TLN2: variants seen among roughly 807,000 people sequenced by gnomAD.
TLN2 encodes talin 2, also known as talin-2.
Under a neutral mutation model 294.7 loss-of-function variants are expected in TLN2, and 118 were observed. The observed-to-expected ratio is 0.40, with a 90% CI of 0.34 to 0.47. The LOEUF (loss-of-function observed/expected upper bound fraction) is 0.47. Among genes scored for constraint, TLN2 ranks in the 20% least tolerant of loss-of-function variants. The probability of loss-of-function intolerance (pLI) is 0.84; values close to 1 mark genes in which losing one functional copy is unlikely to be tolerated. For missense variants in TLN2, 3,083 were observed against 3,282.2 expected (o/e 0.94, Z 1.48); for synonymous variants, 1,431 against 1,304.5 (o/e 1.10, Z -2.09).
chr15:62,391,870 C>T, intron 1 of TLN2, among the ~76,000 whole-genome samples: 1 of 152,026 alleles, frequency 6.6e-6, no homozygotes, highest in African/African-American at 2.4e-5. Context: ...CTACCGCTGC[C>T]CGGGTGCTCA....
intron 1 of TLN2, among the ~76,000 whole-genome samples, chr15:62,527,042 T>G (rs1463573071): frequency 6.6e-6 from 1 of 152,170 alleles, no homozygotes; most frequent in East Asian, 1.9e-4. Context: ...CAAAGAGACA[T>G]GACGTCGAGC....
At chr15:62,591,202 G>A (rs1013762997) in intron 2 of TLN2, among the ~76,000 whole-genome samples, 2 of 152,146 alleles carry the variant, frequency 1.3e-5, no homozygotes, top group East Asian at 1.9e-4. Flanking sequence ...TCTTTAGATT[G>A]TATGTATTTA....
intron 1 of TLN2, among the ~76,000 whole-genome samples, chr15:62,452,104 A>C (rs922199520): frequency 6.6e-6 from 1 of 151,710 alleles, no homozygotes; most frequent in Admixed American, 6.6e-5. Context: ...ATCATTTCTT[A>C]GAGCTGAGCA....
At position 62,800,403 on chromosome 15, in the gene TLN2, G is replaced by A. The variant is rs1470582138; in HGVS notation, c.6270G>A (p.Lys2090=). The A allele has an allele frequency of 6.2e-7, 1 of 1,614,188 alleles. No homozygotes were observed. The highest frequency in any genetic ancestry group is 1.7e-5 in the Admixed American group (1 of 60,024). Residue 2090 remains lysine, a synonymous_variant, in exon 49 of 59, where the codon AAG becomes AAA. Transcript: ENST00000636159. ...VLINAIKDVA[K]ALSDLISATK... ...TCAATGCCATCAAAGATGTGGCCAA[G>A]GCCCTTTCTGATCTCATCAGTGCTA...
intron 9 of TLN2, among the ~76,000 whole-genome samples, chr15:62,659,226 A>C (rs576138542): frequency 6.6e-5 from 10 of 152,346 alleles, no homozygotes; most frequent in Admixed American, 3.3e-4. Flanking sequence ...GATATGGAAG[A>C]AGCAGCAGAG....
chr15:62,423,649 C>G (rs1052614758), intron 1 of TLN2, among the ~76,000 whole-genome samples: 2 of 151,772 alleles, frequency 1.3e-5, no homozygotes, highest in African/African-American at 4.8e-5. Flanking sequence ...GGCATGATCT[C>G]GGCTCACTGC....
intron 29 of TLN2, among the ~76,000 whole-genome samples, chr15:62,737,991 C>T (rs1238737715): frequency 6.6e-6 from 1 of 152,078 alleles, no homozygotes; most frequent in Non-Finnish European, 1.5e-5. Flanking sequence ...GTCACTGTGT[C>T]GGACCCTTTG....
At chr15:62,701,013 C>A (rs1222673754) in intron 16 of TLN2, 93 bp from the exon 17 acceptor site, 2 of 1,132,180 alleles carry the variant, frequency 1.8e-6, no homozygotes, top group African/African-American at 1.5e-5. Context: ...AAGAATGTAG[C>A]CAAAATGCTG....
rs77544855 is a variant in TLN2, at chr15:62,434,633, A to G, written c.-238+43948A>G. On this transcript the variant is annotated intron_variant, in intron 1 of 58. Transcript: ENST00000636159. Reference sequence around the variant, plus strand: ...ATCATTTTTAATCATTTAACCAACAATGTATGAGAGTGCCTGTTCCCAGGA... The same window carrying G: ...ATCATTTTTAATCATTTAACCAACAGTGTATGAGAGTGCCTGTTCCCAGGA... 1.2e-3 allele frequency among the ~76,000 whole-genome samples: 189 copies of G among 152,286 alleles called. 2 individuals are homozygous for G. In the East Asian group the frequency reaches 0.029, roughly 23 times the overall value.
chr15:62,722,217 G>T (rs1212588847), intron 25 of TLN2, 136 bp from the exon 26 acceptor site: 15 of 996,512 alleles, frequency 1.5e-5, no homozygotes, highest in Non-Finnish European at 2.1e-5. Flanking sequence ...TTGGGAATAG[G>T]GGATGAGTTG....
intron 55 of TLN2, 48 bp downstream of exon 55, chr15:62,833,677 C>T (rs2069124057): frequency 6.3e-7 from 1 of 1,586,320 alleles, no homozygotes; most frequent in Admixed American, 1.8e-5. Flanking sequence ...GTACGAGAGC[C>T]TCAGGGGGCC....
intron 1 of TLN2, among the ~76,000 whole-genome samples, chr15:62,480,132 C>T (rs764720633): frequency 1.3e-5 from 2 of 152,148 alleles, no homozygotes; most frequent in Non-Finnish European, 2.9e-5. Flanking sequence ...AAGGGGAGAG[C>T]AGGTGGGTGG....
At chr15:62,595,941 A>C (rs113947984) in intron 2 of TLN2, among the ~76,000 whole-genome samples, 2,996 of 152,288 alleles carry the variant, frequency 0.02, 65 homozygotes, top group South Asian at 0.072. Context: ...ATAAAGAATA[A>C]GTTCAAGAGC....
intron 45 of TLN2, among the ~76,000 whole-genome samples, chr15:62,788,247 G>A (rs1456983679): frequency 6.6e-6 from 1 of 151,898 alleles, no homozygotes; most frequent in Non-Finnish European, 1.5e-5. Context: ...GGTGGCGGAG[G>A]TTGCAGTGAG....
At chr15:62,458,010 GACA>G (rs2036577342) in intron 1 of TLN2, among the ~76,000 whole-genome samples, 1 of 152,222 alleles carries the variant, frequency 6.6e-6, no homozygotes, top group South Asian at 2.1e-4. Flanking sequence ...TTTTTCAGTT[GACA>G]ACGACATGAT....
In TLN2 at chr15:62,482,602, CAAA is replaced by C. The variant is rs781297837; in HGVS notation, c.-238+91938_-238+91940del. Among the ~76,000 whole-genome samples the C allele has an allele frequency of 4.7e-3, 359 of 75,770 alleles. 2 individuals are homozygous for C. Among genetic ancestry groups the C allele is most frequent in the African/African-American group, 0.015 (325 of 21,158 alleles). 49.7% of individuals were successfully genotyped at this position (75,770 alleles called of 152,430 possible). On this transcript the variant is annotated intron_variant, in intron 1 of 58. Transcript: ENST00000636159. Reference sequence around the variant, plus strand: ...GGACAACAAGAGTAAAACGTTGTCTCAAAAAAAAAAAAAAAAAAAAAAAGATAG... The same window carrying C: ...GGACAACAAGAGTAAAACGTTGTCTCAAAAAAAAAAAAAAAAAAAAGATAG...
chr15:62,614,651 A>G (rs2140834946), intron 2 of TLN2, among the ~76,000 whole-genome samples: 1 of 152,322 alleles, frequency 6.6e-6, no homozygotes, highest in South Asian at 2.1e-4. Flanking sequence ...AAATAATTGT[A>G]ATTTTTATTG....
intron 34 of TLN2, 92 bp downstream of exon 34, chr15:62,750,583 T>TG: frequency 9.0e-7 from 1 of 1,115,252 alleles, no homozygotes; most frequent in Non-Finnish European, 1.4e-6. Flanking sequence ...TGCCTGTGGC[T>TG]GGTCTGCAGG....
At chr15:62,836,098 A>G (rs1596203909) in intron 57 of TLN2, 25 bp downstream of exon 57, 2 of 1,591,270 alleles carry the variant, frequency 1.3e-6, no homozygotes, top group Non-Finnish European at 1.7e-6. Flanking sequence ...TGCTGGTGGG[A>G]AAATACTCCT....
Sources: gnomAD v4.1 joint callset for allele counts (sites outside exome capture counted in the v4.1 genomes callset) on GRCh38, gnomAD v4.1.1 for gene constraint, MANE v1.5 for transcripts, NCBI Gene and HGNC (gene_info 2026-07-23, HGNC 2026-07-21) for gene names.